SYNDIG1: variants seen among roughly 807,000 people sequenced by gnomAD.
SYNDIG1 encodes synapse differentiation-inducing gene protein 1.
SYNDIG1 carries 9 observed loss-of-function variants against 19.4 expected under a neutral mutation model. That is an observed-to-expected ratio of 0.46 (90% confidence interval 0.28 to 0.81). The LOEUF is 0.81. SYNDIG1 is among the 30% of genes least tolerant of loss of function. The pLI is 0.12. For missense variants in SYNDIG1, 311 were observed against 343.3 expected, an observed-to-expected ratio of 0.91 and a Z score of 0.74; for synonymous variants, 141 against 145.9, an observed-to-expected ratio of 0.97 and a Z score of 0.24.
chr20:24,535,308 C>T (rs1568619377), intron 1 of SYNDIG1, among the ~76,000 whole-genome samples: 1 of 152,176 alleles, frequency 6.6e-6, no homozygotes, highest in Non-Finnish European at 1.5e-5. Flanking sequence ...TGATGAAGAT[C>T]CAAACCTCAT....
chr20:24,627,363 T>G (rs765096107), intron 3 of SYNDIG1, among the ~76,000 whole-genome samples: 1 of 152,180 alleles, frequency 6.6e-6, no homozygotes, highest in African/African-American at 2.4e-5. Context: ...CTCAGTCTTA[T>G]CTACCTAAGG....
At chr20:24,553,133 C>T (rs62215289) in intron 2 of SYNDIG1, among the ~76,000 whole-genome samples, 40,244 of 150,700 alleles carry the variant, frequency 0.27, 5,715 homozygotes, top group East Asian at 0.57. Context: ...TGTTCATGTC[C>T]TTCGCCCACT....
At chr20:24,591,909 T>C (rs1156293356) in intron 3 of SYNDIG1, among the ~76,000 whole-genome samples, 1 of 152,210 alleles carries the variant, frequency 6.6e-6, no homozygotes, top group Non-Finnish European at 1.5e-5. Context: ...AGTCTTGCTT[T>C]TCACATTACA....
At chr20:24,600,274 ATTTG>A (rs1341579054) in intron 3 of SYNDIG1, among the ~76,000 whole-genome samples, 2 of 152,128 alleles carry the variant, frequency 1.3e-5, no homozygotes, top group African/African-American at 4.8e-5. Flanking sequence ...GTGTTTATTT[ATTTG>A]TTTGTTTTAG....
chr20:24,543,747 G>C (rs2057517069), intron 2 of SYNDIG1, among the ~76,000 whole-genome samples, 170 bp downstream of exon 2: 1 of 152,224 alleles, frequency 6.6e-6, no homozygotes, highest in Admixed American at 6.5e-5. Flanking sequence ...ATGGAAGATA[G>C]AAGGAGAGGA....
intron 3 of SYNDIG1, among the ~76,000 whole-genome samples, chr20:24,591,813 A>G (rs1275422198): frequency 3.3e-5 from 5 of 152,350 alleles, no homozygotes; most frequent in East Asian, 1.9e-4. Flanking sequence ...CCCACCATCA[A>G]TGCCCACTTC....
intron 2 of SYNDIG1, among the ~76,000 whole-genome samples, chr20:24,567,798 C>G (rs1428442412): frequency 1.3e-5 from 2 of 152,178 alleles, no homozygotes; most frequent in Admixed American, 1.3e-4. Context: ...ATGTGATGTG[C>G]GTATGATGGG....
At chr20:24,481,711 C>T (rs1003853303) in intron 1 of SYNDIG1, among the ~76,000 whole-genome samples, 1 of 152,150 alleles carries the variant, frequency 6.6e-6, no homozygotes, top group African/African-American at 2.4e-5. Flanking sequence ...GAAACAGATG[C>T]CAGCCCCAAG....
intron 1 of SYNDIG1, among the ~76,000 whole-genome samples, chr20:24,525,720 C>T (rs982081502): frequency 1.3e-5 from 2 of 152,024 alleles, no homozygotes; most frequent in African/African-American, 4.8e-5. Context: ...CTGTTGGATG[C>T]CAAGTTTTAT....
intron 1 of SYNDIG1, among the ~76,000 whole-genome samples, chr20:24,479,610 C>G (rs1600385123): frequency 6.6e-6 from 1 of 152,224 alleles, no homozygotes; most frequent in Non-Finnish European, 1.5e-5. Flanking sequence ...TCTTCCTCAT[C>G]ACTAGATCTA....
intron 3 of SYNDIG1, among the ~76,000 whole-genome samples, chr20:24,586,317 C>T (rs1400766883): frequency 2.0e-5 from 3 of 152,190 alleles, no homozygotes; most frequent in Non-Finnish European, 2.9e-5. Context: ...CGGAGCTTCT[C>T]TTGTGACTTC....
At chr20:24,545,809 A>T (rs1378898117) in intron 2 of SYNDIG1, among the ~76,000 whole-genome samples, 1 of 152,232 alleles carries the variant, frequency 6.6e-6, no homozygotes, top group Non-Finnish European at 1.5e-5. Context: ...TCTTTTAATA[A>T]TACAGCAATA....
At chr20:24,654,258 A>C (rs112004209) in intron 3 of SYNDIG1, among the ~76,000 whole-genome samples, 1 of 152,154 alleles carries the variant, frequency 6.6e-6, no homozygotes, top group Non-Finnish European at 1.5e-5. Context: ...CATGGAAAAA[A>C]AAAAATGAAA....
chr20:24,661,009 C>T (rs965483987), intron 3 of SYNDIG1, among the ~76,000 whole-genome samples: 5 of 152,254 alleles, frequency 3.3e-5, no homozygotes, highest in African/African-American at 1.2e-4. Flanking sequence ...GCTGCACCCC[C>T]ACAGCCTGAG....
At chr20:24,508,815 G>T (rs1280810141) in intron 1 of SYNDIG1, among the ~76,000 whole-genome samples, 1 of 152,158 alleles carries the variant, frequency 6.6e-6, no homozygotes, top group African/African-American at 2.4e-5. Context: ...GCAGGCGCAG[G>T]CTGGAGTCAC....
At chr20:24,470,487 C>A (rs1479167207) in intron 1 of SYNDIG1, among the ~76,000 whole-genome samples, 5 of 152,196 alleles carry the variant, frequency 3.3e-5, no homozygotes, top group Non-Finnish European at 7.3e-5. Flanking sequence ...GCCCTGGCGC[C>A]GAGATGGGAG....
chr20:24,589,694 T>G (rs1203409932), intron 3 of SYNDIG1, among the ~76,000 whole-genome samples: 1 of 152,280 alleles, frequency 6.6e-6, no homozygotes, highest in Admixed American at 6.5e-5. Context: ...TGTCTTGATC[T>G]AATTTCATTT....
At chr20:24,475,935 A>G (rs986271001) in intron 1 of SYNDIG1, among the ~76,000 whole-genome samples, 2 of 150,018 alleles carry the variant, frequency 1.3e-5, no homozygotes, top group African/African-American at 4.9e-5. Context: ...ATCTCAGCTT[A>G]CTGCAACCTC....
At chr20:24,589,716 T>C (rs145814491) in intron 3 of SYNDIG1, among the ~76,000 whole-genome samples, 45 of 152,310 alleles carry the variant, frequency 3.0e-4, no homozygotes, top group African/African-American at 9.4e-4. Flanking sequence ...ATAAAATGTT[T>C]CTTTCCTTTA....
Sources: allele counts gnomAD v4.1 joint callset (sites outside exome capture counted in the v4.1 genomes callset), GRCh38; gene constraint gnomAD v4.1.1; transcripts MANE v1.5; gene names NCBI Gene and HGNC (gene_info 2026-07-23, HGNC 2026-07-21).